HIVEP3: variants seen among roughly 807,000 people sequenced by gnomAD.
HIVEP3 encodes transcription factor HIVEP3.
HIVEP3 carries 49 observed loss-of-function variants against 152.8 expected under a neutral mutation model. The ratio of observed to expected loss-of-function variants is 0.32; its 90% confidence interval spans 0.26 to 0.41. The LOEUF is 0.41. Among genes scored for constraint, HIVEP3 ranks in the 10% least tolerant of loss-of-function variants. The pLI, the probability that HIVEP3 is intolerant of heterozygous loss-of-function variation, is 1.00. For missense variants in HIVEP3, 2,790 were observed against 3,103.3 expected (o/e 0.90, Z 2.40); for synonymous variants, 1,269 against 1,289.0 (o/e 0.98, Z 0.33).
At chr1:41,930,579 T>C (rs1644991423) in intron 1 of HIVEP3, among the ~76,000 whole-genome samples, 1 of 152,182 alleles carries the variant, frequency 6.6e-6, no homozygotes. Flanking sequence ...CAAATATTCA[T>C]GTATGGGTTT....
intron 1 of HIVEP3, among the ~76,000 whole-genome samples, chr1:41,916,625 C>T (rs927579319): frequency 7.9e-5 from 12 of 152,144 alleles, no homozygotes; most frequent in East Asian, 5.8e-4. Flanking sequence ...ATGTAAAGGG[C>T]CTCCAGCCTC....
At chr1:41,599,757 A>G (rs992021850) in intron 3 of HIVEP3, among the ~76,000 whole-genome samples, 2 of 152,232 alleles carry the variant, frequency 1.3e-5, no homozygotes, top group Admixed American at 6.5e-5. Context: ...AAAATCTTCT[A>G]TGCGTGAAAG....
chr1:41,879,116 G>A (rs551871457), intron 1 of HIVEP3, among the ~76,000 whole-genome samples: 7 of 152,264 alleles, frequency 4.6e-5, no homozygotes, highest in African/African-American at 1.7e-4. Flanking sequence ...GTGCCTGCCT[G>A]TTCTCAAGTC....
At chr1:41,687,792 G>A (rs1305263588) in intron 2 of HIVEP3, among the ~76,000 whole-genome samples, 1 of 152,258 alleles carries the variant, frequency 6.6e-6, no homozygotes, top group Non-Finnish European at 1.5e-5. Flanking sequence ...ATATCTGTCA[G>A]TGGTTTTTAA....
chr1:41,630,373 C>T (rs1036242995), intron 2 of HIVEP3, among the ~76,000 whole-genome samples: 4 of 152,194 alleles, frequency 2.6e-5, no homozygotes, highest in African/African-American at 9.7e-5. Context: ...CAAACCTCAG[C>T]ATCACATAAT....
intron 2 of HIVEP3, among the ~76,000 whole-genome samples, chr1:41,646,918 A>G (rs1402380395): frequency 2.0e-5 from 3 of 152,190 alleles, no homozygotes; most frequent in African/African-American, 7.2e-5. Context: ...GCTCCAGGGA[A>G]GAATCTGTTT....
At chr1:41,861,625 A>G (rs1393551026) in intron 1 of HIVEP3, among the ~76,000 whole-genome samples, 3 of 152,190 alleles carry the variant, frequency 2.0e-5, no homozygotes, top group Admixed American at 6.5e-5. Context: ...CATCCTGCAC[A>G]TGCTGCCTGC....
At chr1:41,634,620 TAAAAC>T (rs1255523474) in intron 2 of HIVEP3, among the ~76,000 whole-genome samples, 4 of 151,948 alleles carry the variant, frequency 2.6e-5, no homozygotes, top group African/African-American at 7.2e-5. Context: ...ATAACACACT[TAAAAC>T]AAACTGACAA....
chr1:41,673,281 A>AG (rs1368657984), intron 2 of HIVEP3, among the ~76,000 whole-genome samples: 2 of 152,268 alleles, frequency 1.3e-5, no homozygotes, highest in African/African-American at 4.8e-5. Context: ...GGGTGGTCTC[A>AG]GGTGCAAAGA....
intron 1 of HIVEP3, among the ~76,000 whole-genome samples, chr1:42,014,973 AAC>A (rs1469893391): frequency 1.3e-5 from 2 of 152,142 alleles, no homozygotes; most frequent in African/African-American, 2.4e-5. Flanking sequence ...TGAGATGGCA[AAC>A]ACATCTGTGA....
At chr1:41,757,262 C>T (rs1647366368) in intron 1 of HIVEP3, among the ~76,000 whole-genome samples, 1 of 151,752 alleles carries the variant, frequency 6.6e-6, no homozygotes, top group South Asian at 2.1e-4. Context: ...ACTACAGGCG[C>T]CTGCCACCAT....
chr1:41,843,056 A>T (rs1643335548), intron 1 of HIVEP3, among the ~76,000 whole-genome samples: 1 of 152,204 alleles, frequency 6.6e-6, no homozygotes, highest in African/African-American at 2.4e-5. Flanking sequence ...GCAGGCCCTC[A>T]GCTGTGAAGT....
intron 5 of HIVEP3, among the ~76,000 whole-genome samples, chr1:41,565,527 GACACACAC>G (rs56139506): frequency 1.5e-5 from 2 of 137,276 alleles, no homozygotes; most frequent in African/African-American, 5.2e-5. Flanking sequence ...AAAACTGAAA[GACACACAC>G]ACACACACAC....
At chr1:41,734,445 C>T (rs184533373) in intron 1 of HIVEP3, among the ~76,000 whole-genome samples, 35 of 152,354 alleles carry the variant, frequency 2.3e-4, no homozygotes, top group Non-Finnish European at 4.7e-4. Context: ...CAGCCACCCC[C>T]TCCCATGCCC....
intron 1 of HIVEP3, among the ~76,000 whole-genome samples, chr1:41,888,181 ACC>A (rs1644378088): frequency 7.1e-6 from 1 of 140,856 alleles, no homozygotes; most frequent in Non-Finnish European, 1.5e-5. Flanking sequence ...GACTACAGGC[ACC>A]CACCACCACG....
At chr1:41,885,217 C>T (rs1644326027) in intron 1 of HIVEP3, among the ~76,000 whole-genome samples, 1 of 152,188 alleles carries the variant, frequency 6.6e-6, no homozygotes, top group Admixed American at 6.5e-5. Flanking sequence ...GTTCTGACCA[C>T]TCAAAGTACC....
At chr1:41,844,129 G>C (rs537219340) in intron 1 of HIVEP3, among the ~76,000 whole-genome samples, 1 of 152,178 alleles carries the variant, frequency 6.6e-6, no homozygotes, top group Admixed American at 6.5e-5. Context: ...AGAGGGGAGG[G>C]AGCCTCTGAC....
chr1:41,974,208 A>T (rs1464813289), intron 1 of HIVEP3, among the ~76,000 whole-genome samples: 1 of 152,030 alleles, frequency 6.6e-6, no homozygotes, highest in Admixed American at 6.5e-5. Flanking sequence ...ATTCCCAAAG[A>T]GCTCAGGCAG....
intron 1 of HIVEP3, among the ~76,000 whole-genome samples, chr1:41,898,945 G>T (rs1163814584): frequency 6.6e-6 from 1 of 152,216 alleles, no homozygotes; most frequent in Admixed American, 6.5e-5. Flanking sequence ...CTCCCTCCTT[G>T]CAAAGAGGAA....
Sources: allele counts gnomAD v4.1 joint callset (sites outside exome capture counted in the v4.1 genomes callset), GRCh38; gene constraint gnomAD v4.1.1; transcripts MANE v1.5; gene names NCBI Gene and HGNC (gene_info 2026-07-23, HGNC 2026-07-21).